The following KCNH8 variants were observed in gnomAD, a reference collection of about 807,000 sequenced individuals.
The protein encoded by KCNH8 is voltage-gated delayed rectifier potassium channel KCNH8.
KCNH8 carries 70 observed loss-of-function variants against 103.6 expected under a neutral mutation model. The ratio of observed to expected loss-of-function variants is 0.68; its 90% confidence interval spans 0.56 to 0.82. KCNH8 has a LOEUF of 0.82. Ranked by LOEUF, KCNH8 falls within the 40% of genes least tolerant of loss-of-function variation. The pLI is 0.00. For missense variants in KCNH8, 1,217 were observed against 1,329.9 expected, an observed-to-expected ratio of 0.92 and a Z score of 1.32; for synonymous variants, 498 against 489.4, an observed-to-expected ratio of 1.02 and a Z score of -0.23.
At chr3:19,379,192 C>T (rs914875287) in intron 5 of KCNH8, among the ~76,000 whole-genome samples, 1 of 152,186 alleles carries the variant, frequency 6.6e-6, no homozygotes, top group African/African-American at 2.4e-5. Flanking sequence ...TGAAAAGCCT[C>T]ATTACAGTTT....
At chr3:19,512,090 A>AAAAG (rs1390281579) in intron 12 of KCNH8, among the ~76,000 whole-genome samples, 1 of 152,204 alleles carries the variant, frequency 6.6e-6, no homozygotes, top group Non-Finnish European at 1.5e-5. Context: ...CAATTTTCAA[A>AAAAG]AAAGACAGAA....
chr3:19,446,248 C>T (rs538500452), intron 8 of KCNH8, among the ~76,000 whole-genome samples: 2 of 151,966 alleles, frequency 1.3e-5, no homozygotes, highest in South Asian at 4.1e-4. Context: ...ATGAGTTTGC[C>T]CCAGTTGATA....
At chr3:19,493,876 G>A (rs2068379062) in intron 11 of KCNH8, among the ~76,000 whole-genome samples, 2 of 152,052 alleles carry the variant, frequency 1.3e-5, no homozygotes. Flanking sequence ...TTTAGGTTCA[G>A]GGGTACATGT....
At chr3:19,488,934 G>A (rs2068264735) in intron 11 of KCNH8, among the ~76,000 whole-genome samples, 1 of 152,176 alleles carries the variant, frequency 6.6e-6, no homozygotes. Context: ...ATTAAAGCTT[G>A]AGGCTTTTTG....
At chr3:19,507,656 G>A (rs1426872122) in intron 11 of KCNH8, among the ~76,000 whole-genome samples, 1 of 152,148 alleles carries the variant, frequency 6.6e-6, no homozygotes, top group African/African-American at 2.4e-5. Context: ...TTGTGTTGGA[G>A]TCCCAGGTCA....
intron 3 of KCNH8, among the ~76,000 whole-genome samples, chr3:19,321,289 G>T (rs544720435): frequency 1.3e-5 from 2 of 151,622 alleles, no homozygotes; most frequent in Non-Finnish European, 2.9e-5. Context: ...GTCTATTTTT[G>T]CTCTTTCAGA....
At chr3:19,401,233 C>T (rs940397260) in intron 7 of KCNH8, among the ~76,000 whole-genome samples, 1 of 151,936 alleles carries the variant, frequency 6.6e-6, no homozygotes, top group Non-Finnish European at 1.5e-5. Flanking sequence ...GCACACCGGA[C>T]TGTGGGTGGC....
Position 19,513,034 on chromosome 3 carries a change from A to C in KCNH8, c.2144A>C (p.Glu715Ala). 6.2e-7 allele frequency: 1 copy of C among 1,611,892 alleles called. No individual in the cohort carries two copies. Among genetic ancestry groups the C allele is most frequent in the Non-Finnish European group, 8.5e-7 (1 of 1,178,248 alleles). ...RLPSIVEDEE[E>A]EEEGEEEEAV... Reference sequence around the variant, plus strand: ...CCATCCATTGTGGAAGATGAGGAAGAGGAGGAGGAGGGGGAGGAAGAGGAG... The same window carrying C: ...CCATCCATTGTGGAAGATGAGGAAGCGGAGGAGGAGGGGGAGGAAGAGGAG... Residue 715 changes from glutamate (E) to alanine (A), a missense_variant, in exon 13 of 16, where the codon GAG (glutamate) becomes GCG (alanine). Glu to Ala is a moderately radical substitution (Grantham distance 107). Transcript: ENST00000328405.
chr3:19,407,824 T>C (rs1005953472), intron 7 of KCNH8, among the ~76,000 whole-genome samples: 1 of 152,086 alleles, frequency 6.6e-6, no homozygotes, highest in African/African-American at 2.4e-5. Context: ...CTCTCCTAGA[T>C]TGAGCTTCAG....
At chr3:19,218,829 T>C (rs553561968) in intron 1 of KCNH8, among the ~76,000 whole-genome samples, 2 of 152,318 alleles carry the variant, frequency 1.3e-5, no homozygotes, top group African/African-American at 2.4e-5. Context: ...CCAGTCTTCA[T>C]ATGGCATTGT....
At chr3:19,423,757 C>T (rs1359908028) in intron 7 of KCNH8, among the ~76,000 whole-genome samples, 1 of 151,926 alleles carries the variant, frequency 6.6e-6, no homozygotes, top group African/African-American at 2.4e-5. Context: ...GTGCAAGTGT[C>T]TTTTTCGTAT....
intron 1 of KCNH8, among the ~76,000 whole-genome samples, chr3:19,156,102 GC>G (rs947050270): frequency 8.5e-5 from 13 of 152,216 alleles, no homozygotes; most frequent in African/African-American, 3.1e-4. Flanking sequence ...CTGCCTTCCA[GC>G]CTCTTATTTT....
intron 11 of KCNH8, among the ~76,000 whole-genome samples, chr3:19,489,442 G>A (rs993066337): frequency 2.0e-5 from 3 of 152,030 alleles, no homozygotes; most frequent in African/African-American, 7.2e-5. Flanking sequence ...ATGTATATAC[G>A]GGAATTGATA....
intron 1 of KCNH8, among the ~76,000 whole-genome samples, chr3:19,167,538 C>A (rs1321685249): frequency 6.6e-6 from 1 of 152,088 alleles, no homozygotes; most frequent in African/African-American, 2.4e-5. Flanking sequence ...CTTTCCCTCT[C>A]AAAATAAGGT....
At chr3:19,381,281 C>T (rs564156406) in intron 5 of KCNH8, among the ~76,000 whole-genome samples, 1 of 152,076 alleles carries the variant, frequency 6.6e-6, no homozygotes, top group African/African-American at 2.4e-5. Flanking sequence ...GGTGCCACTG[C>T]AATGTTTTGG....
chr3:19,180,173 C>T (rs1330470516), intron 1 of KCNH8, among the ~76,000 whole-genome samples: 2 of 152,058 alleles, frequency 1.3e-5, no homozygotes, highest in Non-Finnish European at 2.9e-5. Flanking sequence ...ATAAAACTAA[C>T]TATTTCAACC....
chr3:19,534,683 C>CTAT lies in KCNH8; in HGVS notation c.*586_*588dup, dbSNP rs1219729470. 6.6e-6 allele frequency: 1 copy of CTAT among 152,404 alleles called. No homozygotes were observed. Among genetic ancestry groups the CTAT allele is most frequent in the South Asian group, 2.1e-4 (1 of 4,826 alleles). The allele number at this position is 152,404 out of a possible 1,614,324, so 9.4% of individuals were successfully genotyped here. On this transcript the variant is annotated 3_prime_UTR_variant, in exon 16 of 16. Coordinates refer to ENST00000328405, the MANE Select transcript of KCNH8 (RefSeq NM_144633.3). ...TTTATTTATCAAAAAAACACAGAGGCTATTTTTATATCCTTGGTATGAAAT... is the reference window on the plus strand; with the variant it reads ...TTTATTTATCAAAAAAACACAGAGGCTATTATTTTTATATCCTTGGTATGAAAT...
chr3:19,511,193 T>A (rs768377341), intron 12 of KCNH8, among the ~76,000 whole-genome samples: 1 of 148,630 alleles, frequency 6.7e-6, no homozygotes, highest in Admixed American at 6.7e-5. Context: ...CCTCCCTGTG[T>A]CCATGTGTTC....
At chr3:19,280,717 C>T (rs556764506) in intron 2 of KCNH8, among the ~76,000 whole-genome samples, 27 of 152,108 alleles carry the variant, frequency 1.8e-4, no homozygotes, top group Admixed American at 3.3e-4. Context: ...TGGCTGTGCA[C>T]GCTCCCCAAA....
Sources: allele counts gnomAD v4.1 joint callset (sites outside exome capture counted in the v4.1 genomes callset), GRCh38; gene constraint gnomAD v4.1.1; transcripts MANE v1.5; gene names NCBI Gene and HGNC (gene_info 2026-07-23, HGNC 2026-07-21).